SLX4IP: variants seen among roughly 807,000 people sequenced by gnomAD.
The protein encoded by SLX4IP is SLX4 interacting protein.
SLX4IP carries 34 observed loss-of-function variants against 32.9 expected under a neutral mutation model. That is an observed-to-expected ratio of 1.03 (90% confidence interval 0.79 to 1.38). SLX4IP has a LOEUF of 1.38. Among genes scored for constraint, SLX4IP ranks in the 40% most tolerant of loss-of-function variants. SLX4IP has a pLI of 0.00. For synonymous variants in SLX4IP, 172 were observed against 171.7 expected (o/e 1.00, Z -0.01); for missense variants, 444 against 479.0 (o/e 0.93, Z 0.68).
rs188073292 is a variant in SLX4IP, at chr20:10,502,123, A to G, written c.27+43892A>G. Among the ~76,000 whole-genome samples, 3 of 152,294 alleles carry G rather than the reference A, an allele frequency of 2.0e-5. No individual in the cohort carries two copies. The East Asian group carries it at 5.8e-4, about 29-fold the overall frequency. On this transcript the variant is annotated intron_variant, in intron 2 of 7. Coordinates refer to ENST00000334534, the MANE Select transcript of SLX4IP (RefSeq NM_001009608.3). ...GTTAAGTAACTGCACACCACTGGCA[A>G]AGATTTGTAATCCTCAGTGCTAGTA...
At chr20:10,577,284 G>C (rs543623196) in intron 4 of SLX4IP, among the ~76,000 whole-genome samples, 1 of 152,198 alleles carries the variant, frequency 6.6e-6, no homozygotes, top group South Asian at 2.1e-4. Context: ...ATGCCCTTAT[G>C]ATGAGGGTTT....
At chr20:10,516,555 G>T (rs78689272) in intron 2 of SLX4IP, among the ~76,000 whole-genome samples, 1,630 of 152,302 alleles carry the variant, frequency 0.011, 17 homozygotes, top group Non-Finnish European at 0.017. Context: ...ATGCTTGTTT[G>T]TAAGTGTCTG....
chr20:10,471,680 G>A (rs1211402784), intron 2 of SLX4IP, among the ~76,000 whole-genome samples: 1 of 152,172 alleles, frequency 6.6e-6, no homozygotes, highest in Admixed American at 6.5e-5. Context: ...CTGTATCTGT[G>A]TGACAAAGAA....
chr20:10,473,835 T>A (rs1163011201), intron 2 of SLX4IP, among the ~76,000 whole-genome samples: 1 of 151,886 alleles, frequency 6.6e-6, no homozygotes, highest in East Asian at 1.9e-4. Context: ...GTCTTCTTTT[T>A]TTTTTTGAAA....
chr20:10,503,572 TC>T (rs2065736350), intron 2 of SLX4IP, among the ~76,000 whole-genome samples: 1 of 152,224 alleles, frequency 6.6e-6, no homozygotes, highest in African/African-American at 2.4e-5. Flanking sequence ...TGACATGACT[TC>T]GTTTCTTAGC....
intron 2 of SLX4IP, among the ~76,000 whole-genome samples, chr20:10,541,871 C>A (rs549395203): frequency 9.2e-5 from 14 of 152,184 alleles, no homozygotes; most frequent in Non-Finnish European, 2.1e-4. Flanking sequence ...AGAAACTTGG[C>A]CCTGGCTCTG....
At chr20:10,527,378 G>A (rs1477275392) in intron 2 of SLX4IP, among the ~76,000 whole-genome samples, 2 of 152,164 alleles carry the variant, frequency 1.3e-5, no homozygotes, top group African/African-American at 4.8e-5. Context: ...CTAGTCAGAA[G>A]GCATGTTTCA....
At chr20:10,467,155 T>A (rs1358717832) in intron 2 of SLX4IP, among the ~76,000 whole-genome samples, 1 of 152,202 alleles carries the variant, frequency 6.6e-6, no homozygotes, top group Admixed American at 6.5e-5. Context: ...GTGTCCTAGG[T>A]TTTTTCGTCT....
chr20:10,604,984 A>G (rs1276086179), intron 6 of SLX4IP, among the ~76,000 whole-genome samples: 1 of 152,208 alleles, frequency 6.6e-6, no homozygotes, highest in Non-Finnish European at 1.5e-5. Context: ...TATGAAGAAC[A>G]TAAAGTGAAT....
chr20:10,478,924 A>G (rs145962681), intron 2 of SLX4IP, among the ~76,000 whole-genome samples: 1 of 152,304 alleles, frequency 6.6e-6, no homozygotes, highest in East Asian at 1.9e-4. Flanking sequence ...GCAAAGAGGG[A>G]AGGTGAAAGA....
At chr20:10,547,699 A>G (rs2066176201) in intron 2 of SLX4IP, among the ~76,000 whole-genome samples, 1 of 152,194 alleles carries the variant, frequency 6.6e-6, no homozygotes, top group Admixed American at 6.5e-5. Flanking sequence ...TTGATTCTGC[A>G]GTGTTTTTTT....
intron 2 of SLX4IP, among the ~76,000 whole-genome samples, chr20:10,529,895 G>A (rs1389356596): frequency 6.6e-6 from 1 of 152,170 alleles, no homozygotes; most frequent in East Asian, 1.9e-4. Flanking sequence ...CTCTGCTAAT[G>A]AAGAAGTCCA....
intron 6 of SLX4IP, chr20:10,614,229 A>T (rs1350525034): frequency 1.1e-5 from 7 of 639,256 alleles, no homozygotes; most frequent in Non-Finnish European, 2.0e-5. Flanking sequence ...GAAGAAACTC[A>T]TGTACATAAC....
Position 10,540,128 on chromosome 20 carries a change from CTTCCTTCCTTCCTTCT to C in SLX4IP, c.28-16086_28-16071del, listed in dbSNP as rs1330543358. The stretch of plus-strand genomic sequence containing the variant: ...CCTTCCTTCCTTCCTTCCTTCCTTC[CTTCCTTCCTTCCTTCT>C]TTCCTTCCTTCCTTCTCTCCTTCCT... On this transcript the variant is annotated intron_variant, in intron 2 of 7. Transcript: ENST00000334534. Among the ~76,000 whole-genome samples the C allele has an allele frequency of 1.3e-3, 184 of 145,616 alleles. 1 individual carries two copies. The highest frequency in any genetic ancestry group is 3.4e-3 in the Admixed American group (49 of 14,210).
chr20:10,609,810 C>T (rs1028757682), intron 6 of SLX4IP, among the ~76,000 whole-genome samples: 2 of 152,056 alleles, frequency 1.3e-5, no homozygotes, highest in Admixed American at 6.6e-5. Flanking sequence ...ACAAGAAGAC[C>T]TCCTAAAGTG....
At chr20:10,505,982 C>T (rs1483511436) in intron 2 of SLX4IP, among the ~76,000 whole-genome samples, 2 of 152,164 alleles carry the variant, frequency 1.3e-5, no homozygotes, top group Admixed American at 1.3e-4. Context: ...TTCAGGACCA[C>T]ACACAGATAG....
chr20:10,523,512 TAAGATA>T (rs985523484), intron 2 of SLX4IP, among the ~76,000 whole-genome samples: 2 of 152,248 alleles, frequency 1.3e-5, no homozygotes, highest in African/African-American at 4.8e-5. Flanking sequence ...AGATTAATTA[TAAGATA>T]AAGTAACAGA....
At position 10,587,382 on chromosome 20, in the gene SLX4IP, A is replaced by G. The variant is rs115120514; in HGVS notation, c.239-11293A>G. Among the ~76,000 whole-genome samples the G allele has an allele frequency of 2.2e-3, 337 of 152,268 alleles. 1 individual carries two copies. Among genetic ancestry groups the G allele is most frequent in the African/African-American group, 7.7e-3 (319 of 41,576 alleles). ...ACAAATGTTCTCAGTAGTAAGTGAA[A>G]CATTAACAGTGTTAGCTTTATAATA... is the stretch of plus-strand genomic sequence containing the variant. On this transcript the variant is annotated intron_variant, in intron 4 of 7. Transcript: ENST00000334534.
intron 6 of SLX4IP, among the ~76,000 whole-genome samples, chr20:10,602,664 G>T (rs2066856507): frequency 6.6e-6 from 1 of 152,160 alleles, no homozygotes; most frequent in African/African-American, 2.4e-5. Flanking sequence ...ACCGGGCCAT[G>T]AAGTGTGACA....
Sources: allele counts gnomAD v4.1 joint callset (sites outside exome capture counted in the v4.1 genomes callset), GRCh38; gene constraint gnomAD v4.1.1; transcripts MANE v1.5; gene names NCBI Gene and HGNC (gene_info 2026-07-23, HGNC 2026-07-21).